FRMD4B: variants seen among roughly 807,000 people sequenced by gnomAD.
FRMD4B encodes the protein FERM domain containing 4B.
In FRMD4B, 74 loss-of-function variants were observed where a neutral mutation model predicts 141.5. The ratio of observed to expected loss-of-function variants is 0.52; its 90% CI spans 0.43 to 0.63. The LOEUF is 0.63. Ranked by LOEUF, FRMD4B falls within the 30% of genes least tolerant of loss-of-function variation. The pLI is 0.00. For synonymous variants in FRMD4B, 506 were observed against 467.9 expected, an observed-to-expected ratio of 1.08 and a Z score of -1.05; for missense variants, 1,366 against 1,253.4, an observed-to-expected ratio of 1.09 and a Z score of -1.36.
chr3:69,226,274 C>T (rs1437056456), intron 7 of FRMD4B, among the ~76,000 whole-genome samples: 1 of 152,160 alleles, frequency 6.6e-6, no homozygotes, highest in Admixed American at 6.5e-5. Context: ...GGCTTAACCA[C>T]ACTGACAATC....
At chr3:69,386,757 C>T (rs1276096054), upstream of FRMD4B, among the ~76,000 whole-genome samples, 2 of 152,166 alleles carry the variant, frequency 1.3e-5, no homozygotes, top group Non-Finnish European at 2.9e-5. Context: ...CCTGTGGTTG[C>T]CAGCAGGAAG....
chr3:69,439,016 T>C (rs1162002831), intron 1 of FRMD4B, among the ~76,000 whole-genome samples: 2 of 152,014 alleles, frequency 1.3e-5, no homozygotes, highest in Non-Finnish European at 2.9e-5. Context: ...GAAGCAACCA[T>C]TATTCTGAAT....
intron 1 of FRMD4B, chr3:69,320,777 A>G (rs1402364023): frequency 6.6e-6 from 1 of 152,180 alleles, no homozygotes; most frequent in Non-Finnish European, 1.5e-5. Flanking sequence ...TCTCTTTGGA[A>G]AGCTTCTCTT....
At chr3:69,258,137 T>C (rs2093503883) in intron 5 of FRMD4B, among the ~76,000 whole-genome samples, 1 of 152,040 alleles carries the variant, frequency 6.6e-6, no homozygotes, top group Non-Finnish European at 1.5e-5. Flanking sequence ...CCATAATTAT[T>C]GTATTTTTTA....
chr3:69,514,894 C>A (rs78472033), intron 1 of FRMD4B, among the ~76,000 whole-genome samples: 1 of 152,098 alleles, frequency 6.6e-6, no homozygotes, highest in East Asian at 1.9e-4. Flanking sequence ...TCAAGGGACA[C>A]TGAATAGCCA....
chr3:69,537,788 G>A (rs149647128), intron 1 of FRMD4B, among the ~76,000 whole-genome samples: 7 of 152,288 alleles, frequency 4.6e-5, no homozygotes, highest in Non-Finnish European at 8.8e-5. Flanking sequence ...ATTATTTGGG[G>A]CATCAAAAAG....
intron 1 of FRMD4B, among the ~76,000 whole-genome samples, chr3:69,529,918 T>A (rs1216349992): frequency 6.6e-6 from 1 of 152,256 alleles, no homozygotes; most frequent in African/African-American, 2.4e-5. Context: ...AGCCACTGAT[T>A]GACAACCACT....
At chr3:69,475,617 T>G (rs1233209178) in intron 1 of FRMD4B, among the ~76,000 whole-genome samples, 2 of 152,172 alleles carry the variant, frequency 1.3e-5, no homozygotes, top group African/African-American at 4.8e-5. Context: ...TGTTGGACAT[T>G]TGGGTTGGTT....
upstream of FRMD4B, chr3:69,386,176 C>T: frequency 1.8e-6 from 1 of 544,554 alleles, no homozygotes; most frequent in Non-Finnish European, 3.2e-6. Flanking sequence ...GGATTGGGTG[C>T]CCGCCAGCCA....
At chr3:69,221,832 A>T in intron 9 of FRMD4B, 26 bp downstream of exon 9, 1 of 1,248,684 alleles carries the variant, frequency 8.0e-7, no homozygotes, top group Non-Finnish European at 1.2e-6. Context: ...TTAAAATTAT[A>T]TCTAAGCAAA....
chr3:69,343,611 G>A (rs11720802), intron 1 of FRMD4B, among the ~76,000 whole-genome samples: 67,726 of 134,810 alleles, frequency 0.5, 17,148 homozygotes, highest in Admixed American at 0.55. Context: ...ACGGGGTCTC[G>A]CTCTGTCACC....
At chr3:69,373,526 G>T (rs1433532483) in intron 1 of FRMD4B, among the ~76,000 whole-genome samples, 10 of 152,068 alleles carry the variant, frequency 6.6e-5, no homozygotes, top group Non-Finnish European at 1.5e-5. Context: ...AAATAAAATG[G>T]TGAATACAAA....
intron 1 of FRMD4B, among the ~76,000 whole-genome samples, chr3:69,480,779 T>G (rs1303520260): frequency 6.6e-6 from 1 of 152,232 alleles, no homozygotes; most frequent in Non-Finnish European, 1.5e-5. Context: ...AGGTTACTGC[T>G]GTCTTTTTGT....
intron 18 of FRMD4B, among the ~76,000 whole-genome samples, chr3:69,188,539 T>C (rs989131885): frequency 1.3e-5 from 2 of 150,242 alleles, no homozygotes; most frequent in Admixed American, 6.6e-5. Flanking sequence ...GGGTGGATCA[T>C]GAGGTCAGGA....
intron 4 of FRMD4B, among the ~76,000 whole-genome samples, chr3:69,293,513 C>T (rs774952141): frequency 5.3e-5 from 8 of 151,858 alleles, no homozygotes; most frequent in South Asian, 2.1e-4. Flanking sequence ...ATCTCTCTAC[C>T]GATGTGACTG....
At chr3:69,339,617 T>C (rs746631352) in intron 1 of FRMD4B, among the ~76,000 whole-genome samples, 1 of 151,792 alleles carries the variant, frequency 6.6e-6, no homozygotes, top group Non-Finnish European at 1.5e-5. Flanking sequence ...ATCCCAGAAC[T>C]TAAAGTACAA....
intron 7 of FRMD4B, among the ~76,000 whole-genome samples, chr3:69,247,898 C>A (rs1157023457): frequency 6.6e-6 from 1 of 152,234 alleles, no homozygotes; most frequent in Non-Finnish European, 1.5e-5. Flanking sequence ...ATCTGCCCGC[C>A]TCAGCCTCTC....
At chr3:69,229,017 T>TG (rs1179036613) in intron 7 of FRMD4B, among the ~76,000 whole-genome samples, 27 of 144,436 alleles carry the variant, frequency 1.9e-4, no homozygotes, top group Admixed American at 3.5e-4. Flanking sequence ...AAAATCATGT[T>TG]TTTTTTTTTT....
intron 1 of FRMD4B, among the ~76,000 whole-genome samples, chr3:69,476,028 T>C (rs1262473145): frequency 6.6e-6 from 1 of 151,540 alleles, no homozygotes; most frequent in East Asian, 1.9e-4. Flanking sequence ...TCTGTTCATG[T>C]CCTTCACCCA....
Sources: gnomAD v4.1 joint callset for allele counts (sites outside exome capture counted in the v4.1 genomes callset) on GRCh38, gnomAD v4.1.1 for gene constraint, MANE v1.5 for transcripts, NCBI Gene and HGNC (gene_info 2026-07-23, HGNC 2026-07-21) for gene names.